DENND5B: variants seen among roughly 807,000 people sequenced by gnomAD.
DENND5B encodes the protein DENN domain-containing protein 5B.
A neutral mutation model predicts 140.6 loss-of-function variants in DENND5B; 34 were observed. That is an observed-to-expected ratio of 0.24 (90% CI 0.18 to 0.32). The LOEUF (loss-of-function observed/expected upper bound fraction) is 0.32, where lower values mean the gene tolerates loss of function less well. Among genes scored for constraint, DENND5B ranks in the 10% least tolerant of loss-of-function variants. DENND5B has a pLI of 1.00. For synonymous variants in DENND5B, 551 were observed against 562.1 expected (o/e 0.98, Z 0.28); for missense variants, 1,142 against 1,560.2 (o/e 0.73, Z 4.52).
chr12:31,518,018 T>C (rs532026871), intron 1 of DENND5B, among the ~76,000 whole-genome samples: 1 of 152,262 alleles, frequency 6.6e-6, no homozygotes, highest in East Asian at 1.9e-4. Context: ...AAAGCCTGAG[T>C]TCCCAAAGGT....
intron 1 of DENND5B, among the ~76,000 whole-genome samples, chr12:31,549,077 T>G (rs1414786077): frequency 6.6e-6 from 1 of 152,176 alleles, no homozygotes; most frequent in Admixed American, 6.6e-5. Flanking sequence ...TTAAAAATTT[T>G]TTTAGAGACA....
chr12:31,432,194 A>C (rs1565572374), intron 8 of DENND5B: 1 of 846,258 alleles, frequency 1.2e-6, no homozygotes. Context: ...AAAGCAAAAA[A>C]GAAAAGGATA....
chr12:31,435,009 A>C (rs1476936763), intron 7 of DENND5B, among the ~76,000 whole-genome samples: 1 of 152,116 alleles, frequency 6.6e-6, no homozygotes, highest in Non-Finnish European at 1.5e-5. Context: ...TTATGAACAT[A>C]AATTCTGCGG....
At chr12:31,532,932 T>C (rs1948339013) in intron 1 of DENND5B, among the ~76,000 whole-genome samples, 1 of 152,180 alleles carries the variant, frequency 6.6e-6, no homozygotes, top group African/African-American at 2.4e-5. Flanking sequence ...GGTTCAGACA[T>C]TATAAACAGG....
At chr12:31,512,092 T>C (rs1294922646) in intron 1 of DENND5B, among the ~76,000 whole-genome samples, 1 of 151,924 alleles carries the variant, frequency 6.6e-6, no homozygotes, top group Non-Finnish European at 1.5e-5. Flanking sequence ...AATTTTTGTA[T>C]TTTTAGTAGA....
chr12:31,462,737 T>C (rs1364603844), intron 3 of DENND5B, among the ~76,000 whole-genome samples: 1 of 152,116 alleles, frequency 6.6e-6, no homozygotes, highest in Admixed American at 6.6e-5. Context: ...GGTGGGTGGA[T>C]TACCTGAGGT....
intron 1 of DENND5B, among the ~76,000 whole-genome samples, chr12:31,565,869 C>A (rs2139360188): frequency 6.6e-6 from 1 of 152,230 alleles, no homozygotes; most frequent in African/African-American, 2.4e-5. Flanking sequence ...TGGCCTGGCA[C>A]AGAGGTTCAC....
chr12:31,457,813 A>G (rs78723590), intron 4 of DENND5B, among the ~76,000 whole-genome samples: 1,726 of 151,746 alleles, frequency 0.011, 19 homozygotes, highest in East Asian at 0.031. Flanking sequence ...TCCCGGGTTC[A>G]TGCCATTCTC....
At chr12:31,400,936 G>A (rs973919930) in intron 15 of DENND5B, among the ~76,000 whole-genome samples, 6 of 149,144 alleles carry the variant, frequency 4.0e-5, no homozygotes, top group Admixed American at 2.7e-4. Flanking sequence ...TCCGCCTCCC[G>A]GATTCAAGCG....
intron 3 of DENND5B, among the ~76,000 whole-genome samples, chr12:31,464,696 G>C (rs1945176095): frequency 6.6e-6 from 1 of 152,080 alleles, no homozygotes; most frequent in South Asian, 2.1e-4. Flanking sequence ...GAGTAGCTTG[G>C]ATTACAGCTG....
At position 31,442,184 on chromosome 12, in the gene DENND5B, G is replaced by T. The variant is rs987080633; in HGVS notation, c.2012+591C>A. 3.3e-3 allele frequency among the ~76,000 whole-genome samples: 502 copies of T among 152,258 alleles called. 5 individuals are homozygous for T. The highest frequency in any genetic ancestry group is 0.011 in the African/African-American group (470 of 41,558). On this transcript the variant is annotated intron_variant, in intron 7 of 20. Transcript: ENST00000389082. ...TAACAGAACCCAGTTTAAGGCAGAG[G>T]TGAGACATCTGAAGGCTCTTTCATC...
chr12:31,502,118 C>G (rs551156911), intron 1 of DENND5B, among the ~76,000 whole-genome samples: 27 of 152,146 alleles, frequency 1.8e-4, no homozygotes, highest in African/African-American at 6.3e-4. Flanking sequence ...AGTTCGAGAC[C>G]AGCCTGGCCA....
intron 17 of DENND5B, among the ~76,000 whole-genome samples, chr12:31,393,836 G>A (rs528832796): frequency 9.2e-5 from 14 of 151,976 alleles, no homozygotes; most frequent in Non-Finnish European, 1.3e-4. Flanking sequence ...TACAGGTGCC[G>A]GCCACCATGC....
intron 17 of DENND5B, among the ~76,000 whole-genome samples, chr12:31,393,448 G>A (rs553898212): frequency 1.3e-5 from 2 of 152,304 alleles, no homozygotes; most frequent in East Asian, 3.9e-4. Flanking sequence ...ACTTTCCTGA[G>A]GGACAGGTTG....
intron 13 of DENND5B, among the ~76,000 whole-genome samples, chr12:31,413,220 A>G (rs991893399): frequency 6.6e-6 from 1 of 152,228 alleles, no homozygotes; most frequent in African/African-American, 2.4e-5. Flanking sequence ...CCCAACTGCA[A>G]TCTGGCCTTT....
intron 2 of DENND5B, among the ~76,000 whole-genome samples, chr12:31,486,550 T>C (rs1223535131): frequency 6.6e-6 from 1 of 152,228 alleles, no homozygotes; most frequent in African/African-American, 2.4e-5. Context: ...TTATGCACTG[T>C]CTATGGATGC....
At chr12:31,537,896 A>C in intron 1 of DENND5B, among the ~76,000 whole-genome samples, 1 of 152,236 alleles carries the variant, frequency 6.6e-6, no homozygotes, top group South Asian at 2.1e-4. Flanking sequence ...AAAGAAGGTC[A>C]CTATATAATG....
intron 1 of DENND5B, among the ~76,000 whole-genome samples, chr12:31,510,242 A>C (rs1947359211): frequency 1.3e-5 from 2 of 152,170 alleles, no homozygotes; most frequent in Admixed American, 1.3e-4. Flanking sequence ...CTTTACTCCA[A>C]GTCTGACAAT....
At chr12:31,419,903 G>A (rs1942938907) in intron 11 of DENND5B, 2 of 532,552 alleles carry the variant, frequency 3.8e-6, no homozygotes, top group Admixed American at 6.6e-5. Context: ...AACCCAGGAA[G>A]TGGAGGTTGC....
Sources: gnomAD v4.1 joint callset for allele counts (sites outside exome capture counted in the v4.1 genomes callset) on GRCh38, gnomAD v4.1.1 for gene constraint, MANE v1.5 for transcripts, NCBI Gene and HGNC (gene_info 2026-07-23, HGNC 2026-07-21) for gene names.